The following RNPEP variants were observed in gnomAD, a reference collection of about 807,000 sequenced individuals.
RNPEP encodes aminopeptidase B.
RNPEP carries 57 observed loss-of-function variants against 70.1 expected under a neutral mutation model. That is an observed-to-expected ratio of 0.81 (90% CI 0.66 to 1.01). The LOEUF is 1.01. RNPEP is among the 50% of genes least tolerant of loss of function. The probability of loss-of-function intolerance (pLI) is 0.00; values close to 1 mark genes in which losing one functional copy is unlikely to be tolerated. For synonymous variants in RNPEP, 335 were observed against 357.4 expected, an observed-to-expected ratio of 0.94 and a Z score of 0.71; for missense variants, 787 against 852.4, an observed-to-expected ratio of 0.92 and a Z score of 0.96.
intron 9 of RNPEP, among the ~76,000 whole-genome samples, chr1:202,004,018 C>T (rs917349845): frequency 6.6e-6 from 1 of 152,138 alleles, no homozygotes; most frequent in African/African-American, 2.4e-5. Flanking sequence ...AAAAATGGGA[C>T]AGATATTGGG....
intron 1 of RNPEP, among the ~76,000 whole-genome samples, chr1:201,985,184 C>T (rs1351267042): frequency 8.8e-6 from 1 of 113,994 alleles, no homozygotes; most frequent in African/African-American, 3.1e-5. Flanking sequence ...CACAGCGAGG[C>T]TCCATCTAAA....
rs1682980611 is a variant in RNPEP, at chr1:201,982,749, C to A, written c.83C>A (p.Ala28Asp). ...HSAQAVDVAS[A>D]SNFRAFELLH... ...GCGCAGGCTGTGGACGTGGCCTCGG[C>A]CTCCAACTTCCGGGCCTTTGAGCTG... The change falls in exon 1 of 11, where the codon GCC becomes GAC. Residue 28 changes from alanine to aspartate, a missense_variant. Physicochemically the swap from Ala to Asp is moderately radical, Grantham distance 126. Transcript: ENST00000295640. 4.4e-6 allele frequency: 6 copies of A among 1,375,934 alleles called. No homozygotes were observed. The highest frequency in any genetic ancestry group is 5.6e-6 in the Non-Finnish European group (6 of 1,063,876). The allele number at this position is 1,375,934 out of a possible 1,614,324, so 85.2% of individuals were successfully genotyped here.
intron 1 of RNPEP, among the ~76,000 whole-genome samples, chr1:201,984,834 T>C (rs12410746): frequency 0.21 from 1,950 of 9,272 alleles, 72 homozygotes; most frequent in East Asian, 0.32. Flanking sequence ...TTTTTTTTTT[T>C]TTTTTTTTTT....
intron 8 of RNPEP, among the ~76,000 whole-genome samples, chr1:202,002,338 T>C (rs1042281256): frequency 1.3e-5 from 2 of 152,096 alleles, no homozygotes; most frequent in East Asian, 3.9e-4. Context: ...TATTTTGTAT[T>C]TTTAGTAGAG....
chr1:201,990,327 G>T (rs16849483), intron 3 of RNPEP, among the ~76,000 whole-genome samples: 45,099 of 152,168 alleles, frequency 0.3, 6,844 homozygotes, highest in South Asian at 0.43. Flanking sequence ...TGCAGCAGAT[G>T]CATGAGTCTA....
At chr1:201,989,259 G>T in intron 2 of RNPEP, 124 bp from the exon 3 acceptor site, 5 of 1,292,554 alleles carry the variant, frequency 3.9e-6, no homozygotes, top group Non-Finnish European at 5.4e-6. Flanking sequence ...TGAAACCTTT[G>T]TGTTCTCCAA....
Position 202,005,973 on chromosome 1 carries a change from G to A in RNPEP, c.*257G>A, listed in dbSNP as rs117567081. On this transcript the variant is annotated 3_prime_UTR_variant, in exon 11 of 11. Transcript: ENST00000295640. ...CAGGCTGCAGGCACTGCAGGGCAGC[G>A]GGTATTCTCCTCCCCACCTAAGTCT... is the stretch of plus-strand genomic sequence containing the variant. 1,058 of 467,272 alleles carry A rather than the reference G, an allele frequency of 2.3e-3. 10 individuals carry two copies. The highest frequency in any genetic ancestry group is 0.015 in the East Asian group (482 of 31,186). The allele number at this position is 467,272 out of a possible 1,614,324, so 28.9% of individuals were successfully genotyped here.
intron 2 of RNPEP, 35 bp from the exon 3 acceptor site, chr1:201,989,348 C>A: frequency 6.2e-7 from 1 of 1,606,620 alleles, no homozygotes; most frequent in South Asian, 1.1e-5. Context: ...GAAACTCTCT[C>A]CAGGTAAAAT....
In RNPEP at chr1:201,999,809, C is replaced by A; in HGVS notation, c.1091-93C>A. ...GTATCTGTCGCTGTTCTTCTTGAGG[C>A]CACAAGGAGGCAGCACAGTGTCTCT... On this transcript the variant is annotated intron_variant, in intron 5 of 10. Coordinates refer to ENST00000295640, the MANE Select transcript of RNPEP (RefSeq NM_020216.4). The A allele has an allele frequency of 3.1e-6, 3 of 955,678 alleles. No homozygotes were observed. The South Asian group carries it at 4.7e-5, about 15-fold the overall frequency. The allele number at this position is 955,678 out of a possible 1,614,324, so 59.2% of individuals were successfully genotyped here.
At chr1:202,003,950 C>T (rs1683944061) in intron 9 of RNPEP, among the ~76,000 whole-genome samples, 1 of 152,102 alleles carries the variant, frequency 6.6e-6, no homozygotes, top group Non-Finnish European at 1.5e-5. Flanking sequence ...TAATATTCAC[C>T]AAGGGGTTAA....
intron 1 of RNPEP, among the ~76,000 whole-genome samples, chr1:201,984,823 T>TC (rs1683071606): frequency 1.4e-4 from 1 of 7,198 alleles, no homozygotes; most frequent in African/African-American, 3.2e-4. Flanking sequence ...ATTTCTTTCT[T>TC]TTTTTTTTTT....
chr1:202,006,107 A>G lies in RNPEP; in HGVS notation c.*391A>G, dbSNP rs944260690. 2.8e-5 allele frequency: 5 copies of G among 176,808 alleles called. No homozygotes were observed. The highest frequency in any genetic ancestry group is 1.7e-4 in the Admixed American group (3 of 18,144). The allele number at this position is 176,808 out of a possible 1,614,324, so 11.0% of individuals were successfully genotyped here. On this transcript the variant is annotated 3_prime_UTR_variant, in exon 11 of 11. Coordinates refer to ENST00000295640, the MANE Select transcript of RNPEP (RefSeq NM_020216.4). Reference sequence around the variant, plus strand: ...TTCTGATTGTTCTTTTTTCAGGTTTAATCCTTATTTTAATAAAGTTTTCAA... The same window carrying G: ...TTCTGATTGTTCTTTTTTCAGGTTTGATCCTTATTTTAATAAAGTTTTCAA...
At chr1:201,985,603 T>A (rs6702211) in intron 1 of RNPEP, among the ~76,000 whole-genome samples, 1 of 151,764 alleles carries the variant, frequency 6.6e-6, no homozygotes. Context: ...GTTCAGTACC[T>A]CCTACATACA....
chr1:201,988,990 C>A lies in RNPEP; in HGVS notation c.534C>A (p.Phe178Leu). 2 of 1,614,166 alleles carry A rather than the reference C, an allele frequency of 1.2e-6. No homozygotes were observed. The highest frequency in any genetic ancestry group is 1.7e-6 in the Non-Finnish European group (2 of 1,180,008). ...TQGQAVLNRA[F>L]FPCFDTPAVK... ...GCCAGGCTGTCCTAAACCGGGCCTTCTTCCCTTGCTTCGACACGCCTGCTG... is the reference window on the plus strand; with the variant it reads ...GCCAGGCTGTCCTAAACCGGGCCTTATTCCCTTGCTTCGACACGCCTGCTG... The change falls in exon 2 of 11, where the codon TTC (phenylalanine) becomes TTA (leucine). Residue 178 changes from phenylalanine (F) to leucine (L), a missense_variant. Physicochemically the swap from Phe to Leu is conservative, Grantham distance 22. Transcript: ENST00000295640.
chr1:201,986,443 C>G (rs899697486), intron 1 of RNPEP, among the ~76,000 whole-genome samples: 1 of 151,326 alleles, frequency 6.6e-6, no homozygotes, highest in African/African-American at 2.4e-5. Flanking sequence ...GTAGGATGAC[C>G]CTGTATTGGA....
At chr1:201,988,602 G>A (rs79541324) in intron 1 of RNPEP, among the ~76,000 whole-genome samples, 7,610 of 152,208 alleles carry the variant, frequency 0.05, 251 homozygotes, top group South Asian at 0.12. Context: ...AAAGGACACA[G>A]ATAGGGTACA....
chr1:201,999,634 C>T (rs1288055173), intron 5 of RNPEP, among the ~76,000 whole-genome samples: 1 of 152,124 alleles, frequency 6.6e-6, no homozygotes, highest in African/African-American at 2.4e-5. Context: ...TGCGATTCCC[C>T]CAGTCCTCAC....
rs946163035 is a variant in RNPEP at position 201,982,678 on chromosome 1, C to G, written c.12C>G (p.Gly4=). Residue 4 remains glycine (G), a synonymous_variant, in exon 1 of 11, where the codon GGC becomes GGG. Coordinates refer to ENST00000295640, the MANE Select transcript of RNPEP (RefSeq NM_020216.4). MAS[G]EHSPGSGAAR... ...ACGGCTCTGCGGCCATGGCGAGCGG[C>G]GAGCATTCCCCCGGCAGCGGCGCGG... The G allele has an allele frequency of 5.8e-6, 8 of 1,381,066 alleles. No individual in the cohort carries two copies. The African/African-American group carries it at 1.2e-4, about 21-fold the overall frequency. The allele number at this position is 1,381,066 out of a possible 1,614,324, so 85.6% of individuals were successfully genotyped here.
At chr1:201,999,785 T>C (rs997012133) in intron 5 of RNPEP, 117 bp from the exon 6 acceptor site, 4 of 727,948 alleles carry the variant, frequency 5.5e-6, no homozygotes, top group African/African-American at 5.3e-5. Flanking sequence ...AAGCTTCAGG[T>C]ATCTGTCGCT....
Sources: allele counts gnomAD v4.1 joint callset (sites outside exome capture counted in the v4.1 genomes callset), GRCh38; gene constraint gnomAD v4.1.1; transcripts MANE v1.5; gene names NCBI Gene and HGNC (gene_info 2026-07-23, HGNC 2026-07-21).